OR7D4: variants seen among roughly 807,000 people sequenced by gnomAD.
The protein encoded by OR7D4 is olfactory receptor 7D4.
For missense variants in OR7D4, 319 were observed against 377.1 expected, an observed-to-expected ratio of 0.85 and a Z score of 1.27; for synonymous variants, 154 against 158.4, an observed-to-expected ratio of 0.97 and a Z score of 0.21.
chr19:9,216,073 T>G (rs2051208843), intron 1 of OR7D4, among the ~76,000 whole-genome samples: 2 of 152,106 alleles, frequency 1.3e-5, no homozygotes, highest in Non-Finnish European at 2.9e-5. Context: ...AACCATAAGA[T>G]CTCATGAGAC....
chr19:9,216,165 A>G (rs868023058), intron 1 of OR7D4, among the ~76,000 whole-genome samples: 2 of 152,120 alleles, frequency 1.3e-5, no homozygotes, highest in Admixed American at 1.3e-4. Flanking sequence ...CCCATTACAC[A>G]TGGGAATTCA....
chr19:9,215,730 T>C (rs1424031853), intron 1 of OR7D4, among the ~76,000 whole-genome samples: 2 of 152,214 alleles, frequency 1.3e-5, no homozygotes, highest in Non-Finnish European at 2.9e-5. Context: ...ACTATTACTA[T>C]TAATCTTATT....
Position 9,214,830 on chromosome 19 carries a change from G to C in OR7D4, c.8C>G (p.Ala3Gly), listed in dbSNP as rs1461502859. ME[A>G]ENLTELSKFL... ...TTTTGATAATTCTGTAAGGTTTTCT[G>C]CTTCCATGTAGCTGTTGTGTCTGCT... The change falls in exon 2 of 2, where the codon GCA (alanine) becomes GGA (glycine). Residue 3 changes from alanine to glycine, a missense_variant. Ala to Gly is a moderately conservative substitution (Grantham distance 60). Coordinates refer to ENST00000641669, the MANE Select transcript of OR7D4 (RefSeq NM_001005191.3). 6.3e-7 allele frequency: 1 copy of C among 1,596,078 alleles called. No homozygotes were observed. The highest frequency in any genetic ancestry group is 8.5e-7 in the Non-Finnish European group (1 of 1,171,210).
Position 9,214,025 on chromosome 19 carries a change from G to A in OR7D4, c.813C>T (p.Ser271=), listed in dbSNP as rs2051190206. ...SSAVTHSSQS[S]STASVMYAMV... The stretch of plus-strand genomic sequence containing the variant: ...TGGCGTACATCACTGAGGCGGTGGA[G>A]CTGCTCTGGGAAGAATGGGTCACAG... The change falls in exon 2 of 2, where the codon AGC becomes AGT. Residue 271 remains serine, a synonymous_variant. Coordinates refer to ENST00000641669, the MANE Select transcript of OR7D4 (RefSeq NM_001005191.3). The A allele has an allele frequency of 6.2e-6, 10 of 1,614,104 alleles. No homozygotes were observed. Among genetic ancestry groups the A allele is most frequent in the Non-Finnish European group, 8.5e-6 (10 of 1,180,002 alleles).
At position 9,214,421 on chromosome 19, in the gene OR7D4, G is replaced by T; in HGVS notation, c.417C>A (p.Cys139Ter). 1 of 1,614,058 alleles carries T rather than the reference G, an allele frequency of 6.2e-7. No individual in the cohort carries two copies. The highest frequency in any genetic ancestry group is 1.1e-5 in the South Asian group (1 of 91,068). The change falls in exon 2 of 2, where the codon TGC becomes TGA. Residue 139 changes from cysteine to a stop codon, truncating the protein, a stop_gained. Transcript: ENST00000641669. LOFTEE classifies it low-confidence loss of function (END_TRUNC). ...PLHYTVIMNP[C>*]LCGLLVLASW... ...ATGCCAGAACCAGGAGGCCACAGAGGCAGGGGTTCATGATGACCGTGTAGT... is the reference window on the plus strand; with the variant it reads ...ATGCCAGAACCAGGAGGCCACAGAGTCAGGGGTTCATGATGACCGTGTAGT...
At chr19:9,216,301 G>A (rs544465063) in intron 1 of OR7D4, among the ~76,000 whole-genome samples, 1 of 152,268 alleles carries the variant, frequency 6.6e-6, no homozygotes, top group South Asian at 2.1e-4. Context: ...CTGATGAAGA[G>A]GTTGACCTTC....
At chr19:9,217,847 G>T (rs2051226486) in intron 1 of OR7D4, among the ~76,000 whole-genome samples, 1 of 152,060 alleles carries the variant, frequency 6.6e-6, no homozygotes, top group East Asian at 1.9e-4. Flanking sequence ...CCGGATCATT[G>T]TTAATTAGGG....
In OR7D4 at chr19:9,213,605, G is replaced by T; in HGVS notation, c.*294C>A. Reference sequence around the variant, plus strand: ...ATACAAAAATTAGCTGGCTGTGGTGGCACACACCTGTAATCTCAGCTACTT... The same window carrying T: ...ATACAAAAATTAGCTGGCTGTGGTGTCACACACCTGTAATCTCAGCTACTT... On this transcript the variant is annotated 3_prime_UTR_variant, in exon 2 of 2. Coordinates refer to ENST00000641669, the MANE Select transcript of OR7D4 (RefSeq NM_001005191.3). 1 of 327,998 alleles carries T rather than the reference G, an allele frequency of 3.0e-6. No individual in the cohort carries two copies. The highest frequency in any genetic ancestry group is 5.7e-6 in the Non-Finnish European group (1 of 175,500). 20.3% of individuals were successfully genotyped at this position (327,998 alleles called of 1,614,324 possible). A position where few individuals can be genotyped will look rare whatever the true frequency, so the allele number is the denominator to read the frequency against.
In OR7D4 at chr19:9,213,802, A is replaced by G; in HGVS notation, c.*97T>C. On this transcript the variant is annotated 3_prime_UTR_variant, in exon 2 of 2. Transcript: ENST00000641669. ...AACAACCAAAAATCCCACATCAAGC[A>G]CATTTTTTAAAAGAGAAAAAGAGCC... 1 of 842,586 alleles carries G rather than the reference A, an allele frequency of 1.2e-6. No individual in the cohort carries two copies. The highest frequency in any genetic ancestry group is 1.9e-6 in the Non-Finnish European group (1 of 530,676). The allele number at this position is 842,586 out of a possible 1,614,324, so 52.2% of individuals were successfully genotyped here. A position where few individuals can be genotyped will look rare whatever the true frequency, so the allele number is the denominator to read the frequency against.
rs2146006339 is a variant in OR7D4, at chr19:9,214,290, T to C, written c.548A>G (p.Gln183Arg). The change falls in exon 2 of 2, where the codon CAG becomes CGG. Residue 183 changes from glutamine (Q) to arginine (R), a missense_variant. Coordinates refer to ENST00000641669, the MANE Select transcript of OR7D4 (RefSeq NM_001005191.3). ...GTTAGAGCAGGCCACCTTGAGGACC[T>C]GAGCCGGTTCACAGAAGAAATGCGG... Reference protein sequence around the residue: ...EIPHFFCEPAQVLKVACSNTL... With the variant: ...EIPHFFCEPARVLKVACSNTL... The C allele has an allele frequency of 6.2e-7, 1 of 1,614,168 alleles. No homozygotes were observed. The highest frequency in any genetic ancestry group is 2.2e-5 in the East Asian group (1 of 44,878).
Position 9,214,048 on chromosome 19 carries a change from C to G in OR7D4, c.790G>C (p.Val264Leu), listed in dbSNP as rs2062962208. The G allele has an allele frequency of 1.2e-6, 2 of 1,614,114 alleles. No homozygotes were observed. Among genetic ancestry groups the G allele is most frequent in the South Asian group, 1.1e-5 (1 of 91,078 alleles). Residue 264 changes from valine (V) to leucine (L), a missense_variant, in exon 2 of 2, where the codon GTG becomes CTG. Coordinates refer to ENST00000641669, the MANE Select transcript of OR7D4 (RefSeq NM_001005191.3). ...TGLGVYLSSA[V>L]THSSQSSSTA... ...GAGCTGCTCTGGGAAGAATGGGTCA[C>G]AGCAGAACTCAGATAGACCCCAAGT...
Position 9,214,844 on chromosome 19 carries a change from G to A in OR7D4, c.-7C>T, listed in dbSNP as rs1299875270. 6.4e-7 allele frequency: 1 copy of A among 1,569,680 alleles called. No homozygotes were observed. Among genetic ancestry groups the A allele is most frequent in the Non-Finnish European group, 8.7e-7 (1 of 1,155,764 alleles). ...TAAGGTTTTCTGCTTCCATGTAGCT[G>A]TTGTGTCTGCTGGGGAAGGAGGAAA... is the stretch of plus-strand genomic sequence containing the variant. On this transcript the variant is annotated 5_prime_UTR_variant, in exon 2 of 2. An upstream open reading frame in the 5' UTR gains an earlier in-frame stop. Coordinates refer to ENST00000641669, the MANE Select transcript of OR7D4 (RefSeq NM_001005191.3).
intron 1 of OR7D4, among the ~76,000 whole-genome samples, chr19:9,216,585 C>G (rs910069785): frequency 6.6e-6 from 1 of 151,950 alleles, no homozygotes; most frequent in African/African-American, 2.4e-5. Flanking sequence ...CACATATGAA[C>G]TTTTGTTCTT....
rs1003293313 is a variant in OR7D4, at chr19:9,212,407, A to G, written c.*1492T>C. 6.6e-6 allele frequency: 1 copy of G among 152,208 alleles called. No individual in the cohort carries two copies. The highest frequency in any genetic ancestry group is 1.5e-5 in the Non-Finnish European group (1 of 68,036). 9.4% of individuals were successfully genotyped at this position (152,208 alleles called of 1,614,324 possible). ...AAATACTGGCTACCAAATTTGCAGG[A>G]TGCAAATTAGGATTAGTATGCATTC... On this transcript the variant is annotated 3_prime_UTR_variant, in exon 2 of 2. Coordinates refer to ENST00000641669, the MANE Select transcript of OR7D4 (RefSeq NM_001005191.3).
intron 1 of OR7D4, among the ~76,000 whole-genome samples, chr19:9,215,948 C>T (rs1041787033): frequency 1.3e-5 from 2 of 152,060 alleles, no homozygotes; most frequent in African/African-American, 2.4e-5. Flanking sequence ...TACAGTTCCA[C>T]GTGGCTGGGG....
At position 9,213,146 on chromosome 19, in the gene OR7D4, GT is replaced by G. The variant is rs1302140430; in HGVS notation, c.*752del. On this transcript the variant is annotated 3_prime_UTR_variant, in exon 2 of 2. Coordinates refer to ENST00000641669, the MANE Select transcript of OR7D4 (RefSeq NM_001005191.3). ...AAACATTTTATACGACTAATCTATG[GT>G]TTTCATTTTATTTCCTATCCAGAGG... is the stretch of plus-strand genomic sequence containing the variant. The G allele has an allele frequency of 6.6e-6, 1 of 152,138 alleles. No homozygotes were observed. The highest frequency in any genetic ancestry group is 1.5e-5 in the Non-Finnish European group (1 of 68,034). 9.4% of individuals were successfully genotyped at this position (152,138 alleles called of 1,614,324 possible).
intron 1 of OR7D4, among the ~76,000 whole-genome samples, chr19:9,218,397 A>G (rs991547032): frequency 6.6e-6 from 1 of 152,246 alleles, no homozygotes; most frequent in Non-Finnish European, 1.5e-5. Flanking sequence ...AAGAGAAATC[A>G]TAAACAAAAT....
chr19:9,213,568 T>C lies in OR7D4; in HGVS notation c.*331A>G. On this transcript the variant is annotated 3_prime_UTR_variant, in exon 2 of 2. Transcript: ENST00000641669. ...GCCTGAACAGTATGGTGGAACCCTGTCTCTACTAAAAATACAAAAATTAGC... is the reference window on the plus strand; with the variant it reads ...GCCTGAACAGTATGGTGGAACCCTGCCTCTACTAAAAATACAAAAATTAGC... 3.6e-6 allele frequency: 1 copy of C among 280,556 alleles called. No individual in the cohort carries two copies. Among genetic ancestry groups the C allele is most frequent in the Non-Finnish European group, 6.8e-6 (1 of 146,650 alleles). 17.4% of individuals were successfully genotyped at this position (280,556 alleles called of 1,614,324 possible).
At chr19:9,215,204 G>A (rs545524171) in intron 1 of OR7D4, among the ~76,000 whole-genome samples, 8 of 152,100 alleles carry the variant, frequency 5.3e-5, no homozygotes, top group African/African-American at 1.2e-4. Flanking sequence ...TCAGCTGGGC[G>A]TTGTGGAGTG....
Sources: gnomAD v4.1 joint callset for allele counts (sites outside exome capture counted in the v4.1 genomes callset) on GRCh38, gnomAD v4.1.1 for gene constraint, MANE v1.5 for transcripts, NCBI Gene and HGNC (gene_info 2026-07-23, HGNC 2026-07-21) for gene names.